SLC35D4: variants seen among roughly 807,000 people sequenced by gnomAD.
SLC35D4 encodes UDP-N-acetylglucosamine transporter SLC35D4.
At chr18:23,277,979 C>T in the SLC35D4 span, among the ~76,000 whole-genome samples, 2 of 152,264 alleles carry the variant, frequency 1.3e-5, no homozygotes, top group South Asian at 4.1e-4. Context: ...GACTCCAAAA[C>T]GGGCAGTACC....
chr18:23,349,268 A>T, the SLC35D4 span, among the ~76,000 whole-genome samples: 5 of 152,134 alleles, frequency 3.3e-5, no homozygotes, highest in African/African-American at 1.2e-4. Flanking sequence ...CTTATTACAC[A>T]TATGTTTGTT....
At chr18:23,272,994 A>AAAG in the SLC35D4 span, among the ~76,000 whole-genome samples, 1 of 152,162 alleles carries the variant, frequency 6.6e-6, no homozygotes, top group African/African-American at 2.4e-5. Flanking sequence ...GCTCTGAAAC[A>AAAG]CTGCCCAAGC....
At chr18:23,330,037 G>C in the SLC35D4 span, among the ~76,000 whole-genome samples, 1 of 152,114 alleles carries the variant, frequency 6.6e-6, no homozygotes, top group Non-Finnish European at 1.5e-5. Context: ...ACCACACAAC[G>C]GGGCCTGTCG....
the SLC35D4 span, among the ~76,000 whole-genome samples, chr18:23,264,563 A>G: frequency 6.6e-6 from 1 of 152,072 alleles, no homozygotes; most frequent in Non-Finnish European, 1.5e-5. Flanking sequence ...GGGTTTCACT[A>G]TGTTGGTCAG....
chr18:23,251,375 C>G, the SLC35D4 span, among the ~76,000 whole-genome samples: 2 of 152,112 alleles, frequency 1.3e-5, no homozygotes, highest in African/African-American at 4.8e-5. Flanking sequence ...TGCTTAAACC[C>G]AAGAGGCGGA....
the SLC35D4 span, among the ~76,000 whole-genome samples, chr18:23,436,588 T>C: frequency 6.6e-6 from 1 of 151,632 alleles, no homozygotes; most frequent in Admixed American, 6.6e-5. Flanking sequence ...AGGTCAGGAG[T>C]TCGAGACCAG....
At chr18:23,244,540 G>C in the SLC35D4 span, among the ~76,000 whole-genome samples, 2 of 152,272 alleles carry the variant, frequency 1.3e-5, no homozygotes, top group African/African-American at 4.8e-5. Context: ...ATGCCCATCT[G>C]TTGGTGGTTA....
the SLC35D4 span, among the ~76,000 whole-genome samples, chr18:23,351,286 A>G: frequency 3.3e-5 from 5 of 152,076 alleles, no homozygotes; most frequent in African/African-American, 1.2e-4. Context: ...GCACACCTGT[A>G]ATCCCAGCTA....
the SLC35D4 span, among the ~76,000 whole-genome samples, chr18:23,283,808 C>CA: frequency 0.018 from 1,678 of 95,056 alleles, 30 homozygotes; most frequent in Admixed American, 0.088. Context: ...GACTCCATCT[C>CA]AAAAAAAAAA....
At chr18:23,309,501 A>G in the SLC35D4 span, among the ~76,000 whole-genome samples, 3 of 151,666 alleles carry the variant, frequency 2.0e-5, no homozygotes, top group Non-Finnish European at 2.9e-5. Flanking sequence ...ATTTGTATTT[A>G]CAGGTCAATA....
the SLC35D4 span, among the ~76,000 whole-genome samples, chr18:23,362,198 T>C: frequency 6.6e-6 from 1 of 152,364 alleles, no homozygotes; most frequent in African/African-American, 2.4e-5. Context: ...GCAGTCACCA[T>C]GTTCAGAAAC....
At chr18:23,340,618 C>G in the SLC35D4 span, among the ~76,000 whole-genome samples, 9 of 152,280 alleles carry the variant, frequency 5.9e-5, 1 homozygote, top group East Asian at 1.5e-3. Context: ...TCTGAGCAAG[C>G]TATGAAAAGT....
chr18:23,323,544 A>G, the SLC35D4 span, among the ~76,000 whole-genome samples: 1 of 152,208 alleles, frequency 6.6e-6, no homozygotes, highest in Non-Finnish European at 1.5e-5. Flanking sequence ...GTTTTACATG[A>G]CCAGAGAGTG....
the SLC35D4 span, among the ~76,000 whole-genome samples, chr18:23,361,116 A>AAAAG: frequency 1.3e-5 from 2 of 151,188 alleles, no homozygotes; most frequent in Non-Finnish European, 3.0e-5. Flanking sequence ...AAAAAAAAAA[A>AAAAG]AAAAAAAAAG....
the SLC35D4 span, among the ~76,000 whole-genome samples, chr18:23,252,503 C>G: frequency 1.3e-5 from 2 of 152,206 alleles, no homozygotes; most frequent in African/African-American, 2.4e-5. Flanking sequence ...GAAGTAGGCA[C>G]TGTTACTGTT....
chr18:23,287,542 C>T, the SLC35D4 span, among the ~76,000 whole-genome samples: 1 of 152,216 alleles, frequency 6.6e-6, no homozygotes, highest in East Asian at 1.9e-4. Flanking sequence ...ACTAATCTCC[C>T]AAACCCCAAT....
the SLC35D4 span, among the ~76,000 whole-genome samples, chr18:23,317,746 CT>C: frequency 5.0e-3 from 722 of 145,820 alleles, 10 homozygotes; most frequent in African/African-American, 0.016. Context: ...TGTTTCATTT[CT>C]TTTTTTTTTT....
the SLC35D4 span, chr18:23,365,564 G>A: frequency 1.3e-6 from 2 of 1,568,166 alleles, no homozygotes; most frequent in South Asian, 1.2e-5. Context: ...ATGTCTCTGA[G>A]AGACAGGCTC....
chr18:23,265,599 A>G, the SLC35D4 span, among the ~76,000 whole-genome samples: 2 of 151,452 alleles, frequency 1.3e-5, no homozygotes, highest in Admixed American at 1.3e-4. Context: ...GTTTGGCTAC[A>G]ATGACCCTGG....
Sources: gnomAD v4.1 joint callset for allele counts (sites outside exome capture counted in the v4.1 genomes callset) on GRCh38, gnomAD v4.1.1 for gene constraint, MANE v1.5 for transcripts, NCBI Gene and HGNC (gene_info 2026-07-23, HGNC 2026-07-21) for gene names.